CACNB2: variants seen among roughly 807,000 people sequenced by gnomAD.
The protein encoded by CACNB2 is voltage-dependent L-type calcium channel subunit beta-2.
A neutral mutation model predicts 73.3 loss-of-function variants in CACNB2; 42 were observed. The observed-to-expected ratio is 0.57, with a 90% CI of 0.45 to 0.74. The LOEUF (loss-of-function observed/expected upper bound fraction) is 0.74, where lower values mean the gene tolerates loss of function less well. Among genes scored for constraint, CACNB2 ranks in the 30% least tolerant of loss-of-function variants. CACNB2 has a pLI of 0.00. For missense variants in CACNB2, 940 were observed against 853.0 expected (o/e 1.10, Z -1.27); for synonymous variants, 348 against 310.3 (o/e 1.12, Z -1.28).
chr10:18,346,434 G>T lies in CACNB2; in HGVS notation c.214-55490G>T, dbSNP rs139091271. 2.6e-3 allele frequency among the ~76,000 whole-genome samples: 391 copies of T among 152,094 alleles called. 11 individuals carry two copies. The East Asian group carries it at 0.054, about 21-fold the overall frequency. On this transcript the variant is annotated intron_variant, in intron 2 of 13. Coordinates refer to ENST00000324631, the MANE Select transcript of CACNB2 (RefSeq NM_201596.3). The stretch of plus-strand genomic sequence containing the variant: ...ATTACGGGCGTGAGCCACTGCACCC[G>T]GCCAGAACTGGAACTTTCTATATGG...
intron 2 of CACNB2, among the ~76,000 whole-genome samples, chr10:18,259,848 T>C (rs957380478): frequency 1.1e-4 from 16 of 152,062 alleles, no homozygotes; most frequent in Admixed American, 2.6e-4. Flanking sequence ...AGTTCAAGGC[T>C]GCAGTGAGCC....
chr10:18,514,866 C>A, intron 7 of CACNB2: 1 of 764,728 alleles, frequency 1.3e-6, no homozygotes, highest in Non-Finnish European at 2.3e-6. Flanking sequence ...TATGATCAAA[C>A]ATATTAAAGC....
At chr10:18,376,952 C>G (rs1425375494) in intron 2 of CACNB2, among the ~76,000 whole-genome samples, 1 of 152,108 alleles carries the variant, frequency 6.6e-6, no homozygotes, top group Non-Finnish European at 1.5e-5. Flanking sequence ...GGCGATGTTC[C>G]TGCTCTGTCA....
At chr10:18,299,083 A>AAAAAT (rs2039399892) in intron 2 of CACNB2, among the ~76,000 whole-genome samples, 1 of 62,976 alleles carries the variant, frequency 1.6e-5, no homozygotes, top group East Asian at 2.6e-4. Context: ...AAAAAAAATA[A>AAAAAT]AAAATAAAAG....
intron 1 of CACNB2, among the ~76,000 whole-genome samples, chr10:18,141,970 C>T (rs1352783153): frequency 6.6e-6 from 1 of 152,046 alleles, no homozygotes; most frequent in Non-Finnish European, 1.5e-5. Flanking sequence ...TATATTAATA[C>T]GTAGACACAC....
chr10:18,537,773 T>A (rs2053747567), intron 12 of CACNB2, among the ~76,000 whole-genome samples: 1 of 151,964 alleles, frequency 6.6e-6, no homozygotes, highest in African/African-American at 2.4e-5. Flanking sequence ...TAAGACTCTG[T>A]CTCAAAAAAA....
chr10:18,371,821 A>G (rs2042596723), intron 2 of CACNB2, among the ~76,000 whole-genome samples: 1 of 152,238 alleles, frequency 6.6e-6, no homozygotes, highest in Non-Finnish European at 1.5e-5. Flanking sequence ...TCCCACCAAC[A>G]GTGTAAAAGT....
intron 3 of CACNB2, among the ~76,000 whole-genome samples, chr10:18,453,838 C>G (rs1027432889): frequency 6.6e-6 from 1 of 152,128 alleles, no homozygotes; most frequent in Non-Finnish European, 1.5e-5. Context: ...ACCCTGTTGG[C>G]CAGACTCCTG....
intron 2 of CACNB2, among the ~76,000 whole-genome samples, chr10:18,222,450 C>T (rs899547171): frequency 9.1e-5 from 11 of 121,090 alleles, no homozygotes; most frequent in African/African-American, 1.9e-4. Context: ...AGACCCTCTG[C>T]GAAATAAGAA....
intron 2 of CACNB2, among the ~76,000 whole-genome samples, chr10:18,302,696 T>G (rs1400301433): frequency 6.6e-6 from 1 of 151,962 alleles, no homozygotes; most frequent in African/African-American, 2.4e-5. Context: ...CTTTGAGGAC[T>G]CAGGGGGAAA....
At chr10:18,460,697 C>G (rs1374461123) in intron 3 of CACNB2, among the ~76,000 whole-genome samples, 1 of 151,836 alleles carries the variant, frequency 6.6e-6, no homozygotes, top group Non-Finnish European at 1.5e-5. Context: ...TCGAGAGCAG[C>G]CTGGACAATG....
intron 2 of CACNB2, among the ~76,000 whole-genome samples, chr10:18,178,750 T>C (rs1280278401): frequency 6.6e-6 from 1 of 152,222 alleles, no homozygotes; most frequent in Non-Finnish European, 1.5e-5. Flanking sequence ...CGTTCAATTC[T>C]GAAGTTTGTG....
chr10:18,449,504 CAG>C (rs1288889526), intron 3 of CACNB2, among the ~76,000 whole-genome samples: 1 of 152,212 alleles, frequency 6.6e-6, no homozygotes, highest in African/African-American at 2.4e-5. Context: ...TAAGCCAAGA[CAG>C]AGTCAGAGGG....
At chr10:18,273,961 C>A (rs2038166013) in intron 2 of CACNB2, among the ~76,000 whole-genome samples, 1 of 152,082 alleles carries the variant, frequency 6.6e-6, no homozygotes, top group African/African-American at 2.4e-5. Context: ...GTTGTTGGAA[C>A]CACAGGTCTG....
Position 18,442,932 on chromosome 10 carries a change from ATATATATATGTGTATATATATATATG to A in CACNB2, c.333+40899_333+40924del, listed in dbSNP as rs1848483546. Among the ~76,000 whole-genome samples, 19 of 31,212 alleles carry A rather than the reference ATATATATATGTGTATATATATATATG, an allele frequency of 6.1e-4. 2 individuals are homozygous for A. The highest frequency in any genetic ancestry group is 1.0e-3 in the African/African-American group (5 of 4,886). 20.5% of individuals were successfully genotyped at this position (31,212 alleles called of 152,430 possible). On this transcript the variant is annotated intron_variant, in intron 3 of 13. Transcript: ENST00000324631. ...ACAATATATATATATATATGTATATATATATATATGTGTATATATATATATGTATATATATATGTGTATATATATAT... is the reference window on the plus strand; with the variant it reads ...ACAATATATATATATATATGTATATATATATATATATGTGTATATATATAT...
At chr10:18,221,868 A>G (rs2035806663) in intron 2 of CACNB2, among the ~76,000 whole-genome samples, 1 of 152,208 alleles carries the variant, frequency 6.6e-6, no homozygotes, top group Non-Finnish European at 1.5e-5. Context: ...TTCTGTCTTT[A>G]TCAAAAGCTT....
intron 2 of CACNB2, among the ~76,000 whole-genome samples, chr10:18,385,813 T>A (rs1168225925): frequency 6.6e-6 from 1 of 152,174 alleles, no homozygotes; most frequent in African/African-American, 2.4e-5. Flanking sequence ...TAGAGATAAC[T>A]TATTTTTTTA....
At chr10:18,184,649 GT>G (rs201899870) in intron 2 of CACNB2, among the ~76,000 whole-genome samples, 2,670 of 87,238 alleles carry the variant, frequency 0.031, 17 homozygotes, top group Non-Finnish European at 0.036. Flanking sequence ...CTCAGACTTT[GT>G]TTTTTTTTTT....
chr10:18,412,254 A>G (rs1242654088), intron 3 of CACNB2, among the ~76,000 whole-genome samples: 6 of 152,212 alleles, frequency 3.9e-5, no homozygotes, highest in Non-Finnish European at 8.8e-5. Flanking sequence ...CCTGGAGTCA[A>G]ATGGGAATTA....
Sources: gnomAD v4.1 joint callset for allele counts (sites outside exome capture counted in the v4.1 genomes callset) on GRCh38, gnomAD v4.1.1 for gene constraint, MANE v1.5 for transcripts, NCBI Gene and HGNC (gene_info 2026-07-23, HGNC 2026-07-21) for gene names.